The following SLC3A1 variants were observed in gnomAD, a reference collection of about 807,000 sequenced individuals.
The protein encoded by SLC3A1 is amino acid transporter heavy chain SLC3A1.
Under a neutral mutation model 60.3 loss-of-function variants are expected in SLC3A1, and 78 were observed. That is an observed-to-expected ratio of 1.29 (90% confidence interval 1.08 to 1.56). The LOEUF is 1.56. Ranked by LOEUF, SLC3A1 falls within the 40% of genes most tolerant of loss-of-function variation. SLC3A1 has a pLI of 0.00. For synonymous variants in SLC3A1, 392 were observed against 307.9 expected, an observed-to-expected ratio of 1.27 and a Z score of -2.86; for missense variants, 1,172 against 858.9, an observed-to-expected ratio of 1.36 and a Z score of -4.56.
intron 1 of SLC3A1, among the ~76,000 whole-genome samples, chr2:44,279,007 T>A (rs868792661): frequency 5.9e-5 from 9 of 151,404 alleles, no homozygotes; most frequent in African/African-American, 1.5e-4. Context: ...TTTATTATTT[T>A]TTTTTTTTTG....
chr2:44,304,027 G>T, intron 6 of SLC3A1, 116 bp from the exon 7 acceptor site: 1 of 818,474 alleles, frequency 1.2e-6, no homozygotes. Context: ...AGTCCTATAT[G>T]GTTAATAGTG....
chr2:44,319,991 C>T (rs939213618), intron 9 of SLC3A1: 30 of 566,496 alleles, frequency 5.3e-5, no homozygotes, highest in African/African-American at 7.5e-5. Flanking sequence ...TATTGACTCC[C>T]AGACAAGCCG....
At chr2:44,313,801 A>G in intron 8 of SLC3A1, 34 bp from the exon 9 acceptor site, 1 of 1,500,916 alleles carries the variant, frequency 6.7e-7, no homozygotes, top group South Asian at 1.1e-5. Flanking sequence ...TAATAACCAA[A>G]CCACTGTTTT....
At chr2:44,314,040 A>T (rs760035831) in intron 9 of SLC3A1, 89 bp downstream of exon 9, 1 of 1,589,788 alleles carries the variant, frequency 6.3e-7, no homozygotes, top group East Asian at 2.3e-5. Context: ...ATGTGTCTAA[A>T]CCTTAACGGA....
intron 1 of SLC3A1, among the ~76,000 whole-genome samples, chr2:44,279,810 A>G (rs1451419806): frequency 6.6e-6 from 1 of 152,082 alleles, no homozygotes; most frequent in Non-Finnish European, 1.5e-5. Context: ...CAATCTGCCC[A>G]CCATGGCCTC....
At chr2:44,279,729 TA>T (rs963844740) in intron 1 of SLC3A1, among the ~76,000 whole-genome samples, 1 of 152,186 alleles carries the variant, frequency 6.6e-6, no homozygotes, top group Non-Finnish European at 1.5e-5. Context: ...TACATATTGT[TA>T]TTTTTTTTTG....
intron 4 of SLC3A1, among the ~76,000 whole-genome samples, chr2:44,297,288 T>C (rs1412137614): frequency 6.6e-6 from 1 of 152,200 alleles, no homozygotes; most frequent in East Asian, 1.9e-4. Context: ...GAGCAGGCCT[T>C]GCTGGGAGAG....
intron 3 of SLC3A1, among the ~76,000 whole-genome samples, chr2:44,284,319 C>T (rs1426683177): frequency 3.9e-5 from 6 of 152,148 alleles, no homozygotes. Context: ...ACCTTGTGAT[C>T]TGCCCACGTC....
intron 7 of SLC3A1, among the ~76,000 whole-genome samples, chr2:44,309,479 C>A (rs1409173789): frequency 6.6e-6 from 1 of 151,208 alleles, no homozygotes; most frequent in African/African-American, 2.4e-5. Context: ...TGTGGTTTTG[C>A]CTCCTTTTGG....
intron 7 of SLC3A1, among the ~76,000 whole-genome samples, chr2:44,305,661 C>T (rs759423122): frequency 6.6e-6 from 1 of 151,896 alleles, no homozygotes; most frequent in Non-Finnish European, 1.5e-5. Context: ...CTCCTGACCT[C>T]GTGATCCACC....
At chr2:44,311,401 C>T (rs1224202968) in intron 7 of SLC3A1, among the ~76,000 whole-genome samples, 3 of 152,014 alleles carry the variant, frequency 2.0e-5, no homozygotes, top group East Asian at 1.9e-4. Flanking sequence ...GCTATTGACT[C>T]CCCCCACCAT....
rs146205877 is a variant in SLC3A1 at position 44,275,895 on chromosome 2, G to A, written c.360G>A (p.Glu120=). Residue 120 remains glutamate, a synonymous_variant, in exon 1 of 10, where the codon GAG becomes GAA. Transcript: ENST00000260649. The part of the protein sequence containing the change: ...LSPKCLDWWQ[E]GPMYQIYPRS... ...CAAAGTGCCTAGACTGGTGGCAGGA[G>A]GGGCCCATGTACCAGATCTACCCAA... 2.5e-6 allele frequency: 4 copies of A among 1,613,862 alleles called. No homozygotes were observed. Among genetic ancestry groups the A allele is most frequent in the Non-Finnish European group, 2.5e-6 (3 of 1,179,982 alleles).
In SLC3A1 at chr2:44,280,871, C is replaced by G; in HGVS notation, c.586C>G (p.Leu196Val). 6.2e-7 allele frequency: 1 copy of G among 1,614,086 alleles called. No homozygotes were observed. The highest frequency in any genetic ancestry group is 8.5e-7 in the Non-Finnish European group (1 of 1,179,998). ...IFGTMEDFEN[L>V]VAAIHDKGLK... ...TGGAACGATGGAAGATTTTGAGAAT[C>G]TGGTTGCAGCCATACATGATAAAGG... The change falls in exon 2 of 10, where the codon CTG becomes GTG. Residue 196 changes from leucine (L) to valine (V), a missense_variant. Physicochemically the swap from Leu to Val is conservative, Grantham distance 32 (BLOSUM62 1). Coordinates refer to ENST00000260649, the MANE Select transcript of SLC3A1 (RefSeq NM_000341.4).
At chr2:44,302,088 C>T (rs1449338274) in intron 6 of SLC3A1, among the ~76,000 whole-genome samples, 1 of 151,706 alleles carries the variant, frequency 6.6e-6, no homozygotes, top group Admixed American at 6.6e-5. Context: ...TCCTTCTCTG[C>T]AGTATTATTT....
At chr2:44,294,184 A>G (rs1173164239) in intron 4 of SLC3A1, among the ~76,000 whole-genome samples, 1 of 152,136 alleles carries the variant, frequency 6.6e-6, no homozygotes. Context: ...ACAGTGTCAA[A>G]TGATGCAGAG....
At position 44,303,828 on chromosome 2, in the gene SLC3A1, G is replaced by GTGTT. The variant is rs1672080982; in HGVS notation, c.1137-312_1137-309dup. 5.1e-4 allele frequency: 265 copies of GTGTT among 519,426 alleles called. 4 individuals are homozygous for GTGTT. In the South Asian group the frequency reaches 5.4e-3, roughly 11 times the overall value. The allele number at this position is 519,426 out of a possible 1,614,324, so 32.2% of individuals were successfully genotyped here. On this transcript the variant is annotated intron_variant, in intron 6 of 9. Coordinates refer to ENST00000260649, the MANE Select transcript of SLC3A1 (RefSeq NM_000341.4). ...TCCCACCTATGAGTGAGAACATGCG[G>GTGTT]TGTTTGGTTTTCTGTCCTTGTGATA...
In SLC3A1 at chr2:44,275,552, G is replaced by A. The variant is rs147004629; in HGVS notation, c.17G>A (p.Ser6Asn). MAEDK[S>N]KRDSIEMSMK... ...CGGTGAGACATGGCTGAAGATAAAA[G>A]CAAGAGAGACTCCATCGAGATGAGT... is the stretch of plus-strand genomic sequence containing the variant. The change falls in exon 1 of 10, where the codon AGC becomes AAC. Residue 6 changes from serine to asparagine, a missense_variant. Ser to Asn is a conservative substitution (Grantham distance 46). Coordinates refer to ENST00000260649, the MANE Select transcript of SLC3A1 (RefSeq NM_000341.4). 72 of 1,613,952 alleles carry A rather than the reference G, an allele frequency of 4.5e-5. No homozygotes were observed. Among genetic ancestry groups the A allele is most frequent in the Middle Eastern group, 3.3e-4 (2 of 6,084 alleles).
At chr2:44,315,440 G>A (rs1018063387) in intron 9 of SLC3A1, among the ~76,000 whole-genome samples, 1 of 151,132 alleles carries the variant, frequency 6.6e-6, no homozygotes, top group African/African-American at 2.4e-5. Flanking sequence ...CTTGAGCACA[G>A]GAGTTTGAGA....
At chr2:44,293,155 G>C (rs1391372630) in intron 4 of SLC3A1, among the ~76,000 whole-genome samples, 1 of 152,098 alleles carries the variant, frequency 6.6e-6, no homozygotes, top group Non-Finnish European at 1.5e-5. Flanking sequence ...GGAAGAGAGA[G>C]GGAAATATCT....
Sources: allele counts gnomAD v4.1 joint callset (sites outside exome capture counted in the v4.1 genomes callset), GRCh38; gene constraint gnomAD v4.1.1; transcripts MANE v1.5; gene names NCBI Gene and HGNC (gene_info 2026-07-23, HGNC 2026-07-21).